HIF3A: variants seen among roughly 807,000 people sequenced by gnomAD.
HIF3A encodes hypoxia-inducible factor 3-alpha.
In HIF3A, 41 loss-of-function variants were observed where a neutral mutation model predicts 67.2. The ratio of observed to expected loss-of-function variants is 0.61; its 90% CI spans 0.48 to 0.79. HIF3A has a LOEUF of 0.79. Ranked by LOEUF, HIF3A falls within the 30% of genes least tolerant of loss-of-function variation. The pLI is 0.00. For missense variants in HIF3A, 855 were observed against 898.0 expected (o/e 0.95, Z 0.61); for synonymous variants, 356 against 374.8 (o/e 0.95, Z 0.58).
chr19:46,298,543 C>T (rs1263024479), intron 1 of HIF3A: 1 of 1,247,326 alleles, frequency 8.0e-7, no homozygotes, highest in East Asian at 5.8e-5. Context: ...CCTCCTTTCC[C>T]CCTTCCCTTC....
intron 8 of HIF3A, among the ~76,000 whole-genome samples, chr19:46,318,074 G>C (rs561081654): frequency 2.9e-4 from 44 of 152,236 alleles, no homozygotes; most frequent in African/African-American, 1.0e-3. Flanking sequence ...GAGCTCAAGT[G>C]ATCCACCCAC....
intron 8 of HIF3A, among the ~76,000 whole-genome samples, chr19:46,314,147 G>GT: frequency 6.6e-6 from 1 of 151,380 alleles, no homozygotes; most frequent in Middle Eastern, 3.4e-3. Flanking sequence ...GAGATCACAT[G>GT]TTTTCATTTC....
At chr19:46,303,595 C>G in intron 1 of HIF3A, 1 of 1,550,800 alleles carries the variant, frequency 6.4e-7, no homozygotes, top group Non-Finnish European at 8.7e-7. Context: ...GGGAAATAAA[C>G]TGCAGATAAG....
At chr19:46,300,024 G>T (rs1190708046) in intron 1 of HIF3A, among the ~76,000 whole-genome samples, 1 of 152,192 alleles carries the variant, frequency 6.6e-6, no homozygotes, top group East Asian at 1.9e-4. Context: ...ATAGTTCAGT[G>T]TCAATGGAGG....
intron 2 of HIF3A, chr19:46,304,322 T>C (rs1968631480): frequency 1.7e-6 from 1 of 572,832 alleles, no homozygotes; most frequent in South Asian, 2.0e-5. Context: ...CTATCACTTG[T>C]GAGGCCCCGC....
chr19:46,313,618 A>G (rs1193961912), intron 8 of HIF3A, among the ~76,000 whole-genome samples: 4 of 150,686 alleles, frequency 2.7e-5, no homozygotes, highest in Non-Finnish European at 2.9e-5. Context: ...CAATCCAGCT[A>G]TTGACCAATT....
chr19:46,323,239 C>T lies in HIF3A; in HGVS notation c.1335+1273C>T, dbSNP rs539988666. Among the ~76,000 whole-genome samples, 10 of 151,946 alleles carry T rather than the reference C, an allele frequency of 6.6e-5. No homozygotes were observed. In the South Asian group the frequency reaches 8.3e-4, roughly 13 times the overall value. On this transcript the variant is annotated intron_variant, in intron 10 of 14. Coordinates refer to ENST00000377670, the MANE Select transcript of HIF3A (RefSeq NM_152795.4). ...TTAATTTTTTTATTTTTAGTAGAGACGGGGTTTCACCATGTTTGTCAGGCT... is the reference window on the plus strand; with the variant it reads ...TTAATTTTTTTATTTTTAGTAGAGATGGGGTTTCACCATGTTTGTCAGGCT...
intron 13 of HIF3A, among the ~76,000 whole-genome samples, chr19:46,334,010 G>A (rs1001027410): frequency 6.6e-6 from 1 of 151,662 alleles, no homozygotes; most frequent in Non-Finnish European, 1.5e-5. Flanking sequence ...ATCCAGGATG[G>A]TCTCAATCTC....
chr19:46,321,062 C>T (rs1408542303), intron 9 of HIF3A, among the ~76,000 whole-genome samples: 1 of 152,168 alleles, frequency 6.6e-6, no homozygotes, highest in Non-Finnish European at 1.5e-5. Context: ...ACCCATGCTC[C>T]TGGGTGTGGG....
chr19:46,308,373 G>A, intron 4 of HIF3A, 68 bp downstream of exon 4: 5 of 946,068 alleles, frequency 5.3e-6, no homozygotes, highest in Non-Finnish European at 8.3e-6. Context: ...CCCTCCCTCA[G>A]CATATCCCCA....
intron 7 of HIF3A, 43 bp downstream of exon 7, chr19:46,312,310 G>A: frequency 6.2e-7 from 1 of 1,613,692 alleles, no homozygotes; most frequent in Non-Finnish European, 8.5e-7. Flanking sequence ...GCTGCCACAT[G>A]GCCCCCAGCT....
intron 1 of HIF3A, among the ~76,000 whole-genome samples, chr19:46,300,979 T>C: frequency 6.6e-6 from 1 of 151,934 alleles, no homozygotes; most frequent in African/African-American, 2.4e-5. Flanking sequence ...TCCCACTCCC[T>C]GTTCCCTGTC....
chr19:46,313,597 A>G (rs1969665877), intron 8 of HIF3A, among the ~76,000 whole-genome samples: 1 of 151,548 alleles, frequency 6.6e-6, no homozygotes, highest in Non-Finnish European at 1.5e-5. Context: ...GCAGTTGTGT[A>G]ACCACTATCA....
intron 1 of HIF3A, among the ~76,000 whole-genome samples, chr19:46,298,105 G>A (rs1321525259): frequency 6.6e-6 from 1 of 152,022 alleles, no homozygotes; most frequent in African/African-American, 2.4e-5. Context: ...TAGGTCCTCA[G>A]CTTTCCCTGT....
chr19:46,329,602 C>T (rs998537608), intron 12 of HIF3A, 124 bp downstream of exon 12: 22 of 1,219,992 alleles, frequency 1.8e-5, no homozygotes, highest in South Asian at 1.7e-4. Flanking sequence ...GCCAGGCCCT[C>T]GGTGGGCCCA....
At position 46,325,424 on chromosome 19, in the gene HIF3A, C is replaced by T. The variant is rs941554194; in HGVS notation, c.1336-111C>T. The T allele has an allele frequency of 3.3e-5, 24 of 737,366 alleles. No homozygotes were observed. In the Admixed American group the frequency reaches 4.4e-4, roughly 14 times the overall value. 45.7% of individuals were successfully genotyped at this position (737,366 alleles called of 1,614,324 possible). A position where few individuals can be genotyped will look rare whatever the true frequency, so the allele number is the denominator to read the frequency against. On this transcript the variant is annotated intron_variant, in intron 10 of 14. Coordinates refer to ENST00000377670, the MANE Select transcript of HIF3A (RefSeq NM_152795.4). ...TTTGCCGTTGGACCCCCTTTGTGCC[C>T]CAGATGCCTGGCATTTGATCCCCAC... is the stretch of plus-strand genomic sequence containing the variant.
intron 12 of HIF3A, among the ~76,000 whole-genome samples, chr19:46,330,309 A>G (rs1017649751): frequency 6.6e-6 from 1 of 152,094 alleles, no homozygotes; most frequent in Non-Finnish European, 1.5e-5. Flanking sequence ...CGATGGAAGG[A>G]CAGATGGATG....
intron 1 of HIF3A, chr19:46,298,282 C>G: frequency 1.6e-6 from 1 of 613,660 alleles, no homozygotes; most frequent in Non-Finnish European, 2.5e-6. Flanking sequence ...TCTATCCCAC[C>G]CCTTTTGGGC....
At chr19:46,321,476 C>T (rs1280216631) in intron 9 of HIF3A, among the ~76,000 whole-genome samples, 1 of 152,170 alleles carries the variant, frequency 6.6e-6, no homozygotes, top group African/African-American at 2.4e-5. Flanking sequence ...CCCAGCTACT[C>T]TGGAGACTGA....
Sources: gnomAD v4.1 joint callset for allele counts (sites outside exome capture counted in the v4.1 genomes callset) on GRCh38, gnomAD v4.1.1 for gene constraint, MANE v1.5 for transcripts, NCBI Gene and HGNC (gene_info 2026-07-23, HGNC 2026-07-21) for gene names.